The following SORCS2 variants were observed in gnomAD, a reference collection of about 807,000 sequenced individuals.
SORCS2 encodes sortilin related VPS10 domain containing receptor 2, also known as VPS10 domain-containing receptor SorCS2.
Under a neutral mutation model 141.6 loss-of-function variants are expected in SORCS2, and 100 were observed. The observed-to-expected ratio is 0.71, with a 90% CI of 0.60 to 0.83. The LOEUF (loss-of-function observed/expected upper bound fraction) is 0.83, where lower values mean the gene tolerates loss of function less well. Among genes scored for constraint, SORCS2 ranks in the 40% least tolerant of loss-of-function variants. The pLI, the probability that SORCS2 is intolerant of heterozygous loss-of-function variation, is 0.00. For synonymous variants in SORCS2, 789 were observed against 676.9 expected (o/e 1.17, Z -2.57); for missense variants, 1,646 against 1,560.2 (o/e 1.05, Z -0.93).
chr4:7,678,969 G>T (rs1237421855), intron 9 of SORCS2, among the ~76,000 whole-genome samples: 1 of 152,206 alleles, frequency 6.6e-6, no homozygotes, highest in African/African-American at 2.4e-5. Flanking sequence ...TAAACAGGCA[G>T]AGCAGCGCCT....
chr4:7,491,630 G>T (rs1377418727), intron 2 of SORCS2, among the ~76,000 whole-genome samples: 1 of 152,234 alleles, frequency 6.6e-6, no homozygotes, highest in Non-Finnish European at 1.5e-5. Context: ...CTGAGCTTCT[G>T]TGATCTCATT....
intron 1 of SORCS2, among the ~76,000 whole-genome samples, chr4:7,356,735 G>A (rs964050148): frequency 2.0e-4 from 31 of 152,334 alleles, no homozygotes; most frequent in African/African-American, 6.3e-4. Context: ...ATAAGTGCAG[G>A]CCTGGCTGTC....
chr4:7,328,222 G>C (rs945106440), intron 1 of SORCS2, among the ~76,000 whole-genome samples: 1 of 148,688 alleles, frequency 6.7e-6, no homozygotes, highest in Middle Eastern at 3.2e-3. Context: ...TTTTAGTAGA[G>C]ATGGGGTTTT....
At chr4:7,334,805 A>G (rs1719885413) in intron 1 of SORCS2, among the ~76,000 whole-genome samples, 1 of 152,046 alleles carries the variant, frequency 6.6e-6, no homozygotes, top group Non-Finnish European at 1.5e-5. Flanking sequence ...GCTTCATGGA[A>G]GAGGTGACGT....
chr4:7,494,959 G>A (rs1731524605), intron 2 of SORCS2, among the ~76,000 whole-genome samples: 1 of 152,228 alleles, frequency 6.6e-6, no homozygotes, highest in Admixed American at 6.5e-5. Context: ...TGCCCGGCTG[G>A]GGGCAGAGTG....
At chr4:7,300,076 G>A (rs1219870641) in intron 1 of SORCS2, among the ~76,000 whole-genome samples, 3 of 152,176 alleles carry the variant, frequency 2.0e-5, no homozygotes, top group Non-Finnish European at 4.4e-5. Context: ...AGGATGGCGC[G>A]CCCTCCGCCT....
intron 3 of SORCS2, among the ~76,000 whole-genome samples, chr4:7,541,179 G>C (rs1275749857): frequency 6.6e-6 from 1 of 152,218 alleles, no homozygotes; most frequent in Non-Finnish European, 1.5e-5. Flanking sequence ...GCCATGTCTG[G>C]GCCTGGGCTG....
At chr4:7,533,838 G>T (rs1447147361) in intron 3 of SORCS2, among the ~76,000 whole-genome samples, 1 of 152,252 alleles carries the variant, frequency 6.6e-6, no homozygotes, top group Non-Finnish European at 1.5e-5. Flanking sequence ...CGGGCAGGTG[G>T]AAGGGCCCAT....
intron 2 of SORCS2, chr4:7,433,447 C>T (rs778982266): frequency 6.5e-7 from 1 of 1,545,668 alleles, no homozygotes; most frequent in South Asian, 1.3e-5. Flanking sequence ...CTGGTCGGTG[C>T]CCAGCAGTGG....
intron 1 of SORCS2, among the ~76,000 whole-genome samples, chr4:7,373,172 G>A (rs374590607): frequency 1.3e-5 from 2 of 151,750 alleles, no homozygotes; most frequent in South Asian, 2.1e-4. Flanking sequence ...TGTTTCCGAA[G>A]AAGCTGTGTC....
At chr4:7,660,443 T>G (rs1016051171) in intron 5 of SORCS2, among the ~76,000 whole-genome samples, 1 of 152,182 alleles carries the variant, frequency 6.6e-6, no homozygotes, top group African/African-American at 2.4e-5. Flanking sequence ...TCTATGGAAC[T>G]CAGCCACTTG....
intron 1 of SORCS2, among the ~76,000 whole-genome samples, chr4:7,244,880 C>T (rs1385018214): frequency 6.6e-6 from 1 of 152,226 alleles, no homozygotes; most frequent in East Asian, 1.9e-4. Flanking sequence ...CTTAATATGC[C>T]AGTCAGCGAG....
chr4:7,655,993 A>G (rs1721749426), intron 5 of SORCS2, among the ~76,000 whole-genome samples: 1 of 152,240 alleles, frequency 6.6e-6, no homozygotes, highest in Non-Finnish European at 1.5e-5. Context: ...AGGGAATCAC[A>G]GCAGACACTG....
intron 1 of SORCS2, among the ~76,000 whole-genome samples, chr4:7,260,195 GA>G (rs1369119552): frequency 7.2e-5 from 11 of 152,242 alleles, no homozygotes; most frequent in Non-Finnish European, 1.5e-4. Context: ...GGCATCCAAA[GA>G]ATGGGTAGGA....
intron 2 of SORCS2, among the ~76,000 whole-genome samples, chr4:7,455,371 GGA>G (rs1728825337): frequency 8.7e-6 from 1 of 115,198 alleles, no homozygotes. Context: ...GTTGGGGTCA[GGA>G]GCTGTGTGTT....
rs80147424 is a variant in SORCS2 at position 7,511,651 on chromosome 4, A to G, written c.549-19879A>G. Among the ~76,000 whole-genome samples the G allele has an allele frequency of 1.6e-3, 245 of 152,138 alleles. 2 individuals are homozygous for G. The highest frequency in any genetic ancestry group is 5.7e-3 in the African/African-American group (237 of 41,500). On this transcript the variant is annotated intron_variant, in intron 2 of 26. Coordinates refer to ENST00000507866, the MANE Select transcript of SORCS2 (RefSeq NM_020777.3). The stretch of plus-strand genomic sequence containing the variant: ...CCTGGGCGTGGCCCCGTGAAGGCCT[A>G]TGGTACCTCTGGGGGCTGGGGACAG...
chr4:7,217,180 C>T (rs1281362036), intron 1 of SORCS2, among the ~76,000 whole-genome samples: 1 of 152,200 alleles, frequency 6.6e-6, no homozygotes, highest in Admixed American at 6.5e-5. Context: ...TCATTGGGTC[C>T]CCTCCTTGTC....
At chr4:7,437,231 C>T (rs961123855) in intron 2 of SORCS2, among the ~76,000 whole-genome samples, 4 of 152,188 alleles carry the variant, frequency 2.6e-5, no homozygotes, top group Non-Finnish European at 5.9e-5. Flanking sequence ...GAGACCCCCT[C>T]CTCGGGTTTG....
intron 8 of SORCS2, among the ~76,000 whole-genome samples, chr4:7,671,922 A>G (rs901825679): frequency 9.9e-5 from 15 of 151,676 alleles, no homozygotes; most frequent in African/African-American, 3.4e-4. Flanking sequence ...CACATAACCA[A>G]ACTGTCAAAA....
Sources: allele counts gnomAD v4.1 joint callset (sites outside exome capture counted in the v4.1 genomes callset), GRCh38; gene constraint gnomAD v4.1.1; transcripts MANE v1.5; gene names NCBI Gene and HGNC (gene_info 2026-07-23, HGNC 2026-07-21).